Variants in HESX1 observed in about 807,000 individuals in gnomAD.
HESX1 encodes HESX homeobox 1.
HESX1 carries 11 observed loss-of-function variants against 22.5 expected under a neutral mutation model. That is an observed-to-expected ratio of 0.49 (90% CI 0.31 to 0.81). The LOEUF (loss-of-function observed/expected upper bound fraction) is 0.81, where lower values mean the gene tolerates loss of function less well. Among genes scored for constraint, HESX1 ranks in the 30% least tolerant of loss-of-function variants. HESX1 has a pLI of 0.05. For synonymous variants in HESX1, 74 were observed against 76.5 expected (o/e 0.97, Z 0.17); for missense variants, 201 against 212.6 (o/e 0.95, Z 0.34).
rs549020276 is a variant in HESX1 at position 57,199,973 on chromosome 3, G to A, written c.-55C>T. On this transcript the variant is annotated 5_prime_UTR_variant, in exon 1 of 4. The change creates a new upstream start codon in the 5' untranslated region. Transcript: ENST00000295934. ...CTGGCCTCTGCTGGCTCTGCCCCAC[G>A]TGTATAGGGCTGGGATCTTCCTGCA... 19 of 1,523,602 alleles carry A rather than the reference G, an allele frequency of 1.2e-5. No homozygotes were observed. The highest frequency in any genetic ancestry group is 1.0e-4 in the Admixed American group (6 of 59,900). 94.4% of individuals were successfully genotyped at this position (1,523,602 alleles called of 1,614,324 possible).
Position 57,208,638 on chromosome 3 carries a change from C to T in HESX1, c.-110-8610G>A, listed in dbSNP as rs566490041. On this transcript the variant is annotated intron_variant, in intron 1 of 2. Coordinates refer to the HESX1 transcript ENST00000495160. Reference sequence around the variant, plus strand: ...GTGCTGAGATTACAGGCGTGAGCCACGGTGCCCGGACTTGTTTTATGCATT... The same window carrying T: ...GTGCTGAGATTACAGGCGTGAGCCATGGTGCCCGGACTTGTTTTATGCATT... Among the ~76,000 whole-genome samples the T allele has an allele frequency of 1.0e-3, 152 of 148,114 alleles. 1 individual carries two copies. The highest frequency in any genetic ancestry group is 3.4e-3 in the African/African-American group (136 of 40,574).
upstream of HESX1, among the ~76,000 whole-genome samples, chr3:57,202,004 C>T (rs192919188): frequency 5.9e-4 from 89 of 151,198 alleles, no homozygotes; most frequent in East Asian, 0.017. Flanking sequence ...CGGCAAGCTC[C>T]GCCTCCCGGG....
chr3:57,212,866 A>G (rs1281410097), intron 1 of HESX1, among the ~76,000 whole-genome samples: 1 of 152,150 alleles, frequency 6.6e-6, no homozygotes, highest in Non-Finnish European at 1.5e-5. Flanking sequence ...ATAGGTATAC[A>G]TGTGCCATGT....
Position 57,199,030 on chromosome 3 carries a change from ACT to A in HESX1, c.158-80_158-79del, listed in dbSNP as rs757328307. 734 of 1,314,736 alleles carry A rather than the reference ACT, an allele frequency of 5.6e-4. 1 individual carries two copies. The highest frequency in any genetic ancestry group is 6.5e-4 in the Non-Finnish European group (596 of 917,626). 81.4% of individuals were successfully genotyped at this position (1,314,736 alleles called of 1,614,324 possible). A position where few individuals can be genotyped will look rare whatever the true frequency, so the allele number is the denominator to read the frequency against. On this transcript the variant is annotated intron_variant, in intron 1 of 3. Transcript: ENST00000295934. ...AAGTTCTATAGAGGTAGTTTCAGGA[ACT>A]CATCTTTCATTTCCTAGTGGAATTC...
At chr3:57,224,478 A>G (rs954918827) in intron 1 of HESX1, among the ~76,000 whole-genome samples, 3 of 152,062 alleles carry the variant, frequency 2.0e-5, no homozygotes, top group Non-Finnish European at 4.4e-5. Context: ...GTGATTTAGG[A>G]AAGGGAAATG....
In HESX1 at chr3:57,198,406, C is replaced by T. The variant is rs2060461461; in HGVS notation, c.444G>A (p.Glu148=). 6.3e-7 allele frequency: 1 copy of T among 1,599,040 alleles called. No homozygotes were observed. Among genetic ancestry groups the T allele is most frequent in the South Asian group, 1.1e-5 (1 of 90,746 alleles). ...TGAAAATTACCTGGATTCTGTCTTCCTCTAGATTCAATTTTTGAGCTAAGT... is the reference window on the plus strand; with the variant it reads ...TGAAAATTACCTGGATTCTGTCTTCTTCTAGATTCAATTTTTGAGCTAAGT... ...REDLAQKLNL[E]EDRIQIWFQN... Residue 148 remains glutamate, a synonymous_variant, in exon 3 of 4, where the codon GAG becomes GAA. Transcript: ENST00000295934.
chr3:57,205,928 C>T (rs185363902), intron 1 of HESX1, among the ~76,000 whole-genome samples: 42 of 152,264 alleles, frequency 2.8e-4, no homozygotes, highest in Admixed American at 9.8e-4. Context: ...CAGTGGCTCA[C>T]ACTTGTAATC....
chr3:57,206,406 G>C (rs2060519502), intron 1 of HESX1, among the ~76,000 whole-genome samples: 1 of 152,166 alleles, frequency 6.6e-6, no homozygotes, highest in African/African-American at 2.4e-5. Flanking sequence ...AAACTGAAGA[G>C]TGAATGGGAC....
chr3:57,223,894 G>A lies in HESX1; in HGVS notation c.-111+2402C>T, dbSNP rs116114940. Among the ~76,000 whole-genome samples the A allele has an allele frequency of 3.7e-3, 557 of 152,270 alleles. 2 individuals are homozygous for A. Among genetic ancestry groups the A allele is most frequent in the African/African-American group, 0.012 (517 of 41,548 alleles). On this transcript the variant is annotated intron_variant, in intron 1 of 2. Coordinates refer to the HESX1 transcript ENST00000495160. The stretch of plus-strand genomic sequence containing the variant: ...TCTTTTAGAGAATATTTGTGAGTAG[G>A]TGGTTTCCAGCTCGTTAGCCTGGAA...
chr3:57,222,145 A>G (rs1174448303), intron 1 of HESX1, among the ~76,000 whole-genome samples: 1 of 152,194 alleles, frequency 6.6e-6, no homozygotes, highest in Admixed American at 6.5e-5. Flanking sequence ...TGTATTAGCC[A>G]TTGGATAAAT....
In HESX1 at chr3:57,209,904, G is replaced by A. The variant is rs113941190; in HGVS notation, c.-110-9876C>T. 1.2e-3 allele frequency among the ~76,000 whole-genome samples: 190 copies of A among 152,114 alleles called. 1 individual carries two copies. Among genetic ancestry groups the A allele is most frequent in the African/African-American group, 4.4e-3 (182 of 41,510 alleles). ...GCATATTTGTGTTTAATCTTCTCAC[G>A]AATCTTTTATCATTTGGTAGCTGAG... On this transcript the variant is annotated intron_variant, in intron 1 of 2. Coordinates refer to the HESX1 transcript ENST00000495160.
At chr3:57,205,394 A>G (rs904353316) in intron 1 of HESX1, among the ~76,000 whole-genome samples, 8 of 152,142 alleles carry the variant, frequency 5.3e-5, no homozygotes, top group Non-Finnish European at 1.2e-4. Flanking sequence ...ACAGAGCAAG[A>G]CCCTGTCTCA....
intron 1 of HESX1, among the ~76,000 whole-genome samples, chr3:57,214,978 C>A (rs942439525): frequency 4.6e-5 from 7 of 152,084 alleles, no homozygotes; most frequent in African/African-American, 1.7e-4. Context: ...AAGTATTTAG[C>A]AAACTGAATT....
chr3:57,226,618 C>T (rs2060647143), upstream of HESX1: 1 of 151,992 alleles, frequency 6.6e-6, no homozygotes, highest in Admixed American at 6.6e-5. Context: ...CTACTATTTT[C>T]GTTTAAAATA....
upstream of HESX1, among the ~76,000 whole-genome samples, chr3:57,204,926 G>C (rs1223011981): frequency 3.3e-5 from 5 of 152,126 alleles, no homozygotes; most frequent in African/African-American, 9.7e-5. Context: ...CAGCTAGCAA[G>C]ACAGGAGAAA....
intron 1 of HESX1, among the ~76,000 whole-genome samples, chr3:57,199,153 G>A (rs1036293860): frequency 2.4e-4 from 37 of 152,128 alleles, no homozygotes; most frequent in African/African-American, 8.0e-4. Context: ...TCTGAATGTC[G>A]TTTATTTTTC....
intron 1 of HESX1, among the ~76,000 whole-genome samples, chr3:57,215,305 C>A (rs1045735323): frequency 6.6e-6 from 1 of 151,830 alleles, no homozygotes; most frequent in African/African-American, 2.4e-5. Flanking sequence ...TAGGGAGGTA[C>A]GAGAATTCTC....
chr3:57,220,493 G>A (rs1379848147), intron 1 of HESX1, among the ~76,000 whole-genome samples: 3 of 152,112 alleles, frequency 2.0e-5, no homozygotes, highest in East Asian at 1.9e-4. Flanking sequence ...GCAGCGGTGC[G>A]ATCTTGGCTC....
upstream of HESX1, among the ~76,000 whole-genome samples, chr3:57,201,881 ATCTATCTATCTATC>A (rs2060489979): frequency 2.3e-5 from 3 of 131,460 alleles, no homozygotes; most frequent in African/African-American, 9.7e-5. Flanking sequence ...ATCTATATCT[ATCTATCTATCTATC>A]TATCTATCTA....
Sources: gnomAD v4.1 joint callset for allele counts (sites outside exome capture counted in the v4.1 genomes callset) on GRCh38, gnomAD v4.1.1 for gene constraint, MANE v1.5 for transcripts, NCBI Gene and HGNC (gene_info 2026-07-23, HGNC 2026-07-21) for gene names.